Variants in SNX29 observed in about 807,000 individuals in gnomAD.
SNX29 encodes the protein sorting nexin 29, also known as sorting nexin-29.
In SNX29, 78 loss-of-function variants were observed where a neutral mutation model predicts 102.1. That is an observed-to-expected ratio of 0.76 (90% confidence interval 0.64 to 0.92). The LOEUF is 0.92. Ranked by LOEUF, SNX29 falls within the 40% of genes least tolerant of loss-of-function variation. SNX29 has a pLI of 0.00. For synonymous variants in SNX29, 580 were observed against 414.5 expected (o/e 1.40, Z -4.85); for missense variants, 1,280 against 1,061.7 (o/e 1.21, Z -2.86).
At chr16:12,130,547 A>T (rs1446357469) in intron 13 of SNX29, among the ~76,000 whole-genome samples, 1 of 151,548 alleles carries the variant, frequency 6.6e-6, no homozygotes, top group East Asian at 1.9e-4. Flanking sequence ...AACTTATTTC[A>T]TTGAGTAAAT....
At chr16:12,165,593 C>G (rs551672965) in intron 13 of SNX29, among the ~76,000 whole-genome samples, 97 of 152,312 alleles carry the variant, frequency 6.4e-4, no homozygotes, top group African/African-American at 2.2e-3. Flanking sequence ...CAGAGTCTTG[C>G]TCTGTCACCC....
chr16:12,027,574 A>C, intron 4 of SNX29, 130 bp downstream of exon 4: 1 of 1,083,168 alleles, frequency 9.2e-7, no homozygotes, highest in Non-Finnish European at 1.3e-6. Context: ...TGGGCACAGA[A>C]ATCCATGTCT....
At chr16:12,554,062 A>G (rs961969143) in intron 20 of SNX29, among the ~76,000 whole-genome samples, 5 of 152,176 alleles carry the variant, frequency 3.3e-5, no homozygotes, top group African/African-American at 1.2e-4. Context: ...CTGACCTCAA[A>G]TGATCCTCTC....
chr16:12,271,177 T>C (rs943096276), intron 14 of SNX29, among the ~76,000 whole-genome samples: 1 of 152,230 alleles, frequency 6.6e-6, no homozygotes, highest in Non-Finnish European at 1.5e-5. Flanking sequence ...TTTACAATCT[T>C]TGTGTGGGAT....
At chr16:12,493,826 A>C (rs752218183) in intron 19 of SNX29, among the ~76,000 whole-genome samples, 5 of 152,210 alleles carry the variant, frequency 3.3e-5, no homozygotes, top group Non-Finnish European at 7.3e-5. Context: ...TCCTGACCTC[A>C]GATGATCCAC....
At chr16:12,549,812 G>T (rs1172205503) in intron 20 of SNX29, among the ~76,000 whole-genome samples, 3 of 152,250 alleles carry the variant, frequency 2.0e-5, no homozygotes, top group Admixed American at 1.3e-4. Context: ...TGGCTTCTGT[G>T]CCCTGTGTGG....
At chr16:12,305,399 C>T (rs777165257) in intron 15 of SNX29, among the ~76,000 whole-genome samples, 7 of 152,188 alleles carry the variant, frequency 4.6e-5, no homozygotes, top group East Asian at 1.9e-4. Context: ...AAGGGCACAG[C>T]GCCGAGGGCG....
intron 11 of SNX29, among the ~76,000 whole-genome samples, chr16:12,105,764 G>A (rs1016015724): frequency 6.6e-6 from 1 of 152,158 alleles, no homozygotes; most frequent in Admixed American, 6.6e-5. Flanking sequence ...TGCGGTGTGT[G>A]GTCCTGCTGC....
At chr16:12,095,123 G>C (rs763373849) in intron 11 of SNX29, 3 of 152,140 alleles carry the variant, frequency 2.0e-5, no homozygotes, top group Non-Finnish European at 2.9e-5. Context: ...CGGAAGTACC[G>C]TCACTGCTGC....
chr16:12,102,540 T>C (rs988827717), intron 11 of SNX29, among the ~76,000 whole-genome samples: 1 of 152,240 alleles, frequency 6.6e-6, no homozygotes, highest in African/African-American at 2.4e-5. Context: ...TTTTTTCATA[T>C]GTTTGTTGGC....
At chr16:12,364,577 A>T (rs554743980) in intron 16 of SNX29, among the ~76,000 whole-genome samples, 3 of 152,296 alleles carry the variant, frequency 2.0e-5, no homozygotes, top group African/African-American at 7.2e-5. Context: ...GAGACAGGGA[A>T]ATAGAACCTT....
rs965157403 is a variant in SNX29, at chr16:12,129,612, G to C, written c.1467-18G>C. 11 of 1,600,764 alleles carry C rather than the reference G, an allele frequency of 6.9e-6. No individual in the cohort carries two copies. Among genetic ancestry groups the C allele is most frequent in the Non-Finnish European group, 9.4e-6 (11 of 1,172,906 alleles). On this transcript the variant is annotated intron_variant, in intron 12 of 20. Coordinates refer to ENST00000566228, the MANE Select transcript of SNX29 (RefSeq NM_032167.5). ...CTGGGTTGACAGCTTCTGAACAGATGGGTCCCTCTCTTCCCAGATCACTGC... is the reference window on the plus strand; with the variant it reads ...CTGGGTTGACAGCTTCTGAACAGATCGGTCCCTCTCTTCCCAGATCACTGC...
chr16:12,552,755 T>C (rs1184859741), intron 20 of SNX29, among the ~76,000 whole-genome samples: 2 of 152,168 alleles, frequency 1.3e-5, no homozygotes, highest in African/African-American at 4.8e-5. Flanking sequence ...TCACTTCTGA[T>C]TTAAGGTATG....
chr16:12,067,420 T>A (rs776771201), intron 9 of SNX29, among the ~76,000 whole-genome samples: 2 of 152,158 alleles, frequency 1.3e-5, no homozygotes, highest in African/African-American at 2.4e-5. Context: ...GCGTGCTCTC[T>A]CCAGCACCAT....
rs532640508 is a variant in SNX29 at position 12,172,665 on chromosome 16, A to AG, written c.1596-26935dup. Among the ~76,000 whole-genome samples, 11 of 152,356 alleles carry AG rather than the reference A, an allele frequency of 7.2e-5. No homozygotes were observed. In the East Asian group the frequency reaches 1.9e-3, roughly 27 times the overall value. On this transcript the variant is annotated intron_variant, in intron 13 of 20. Transcript: ENST00000566228. ...TGCCTGACAGATATTAAGGGCTCAA[A>AG]GAATTGTCATTGTCATTAACATGAT...
chr16:12,511,544 A>C (rs1024746403), intron 19 of SNX29, among the ~76,000 whole-genome samples: 4 of 152,124 alleles, frequency 2.6e-5, no homozygotes, highest in Admixed American at 2.6e-4. Flanking sequence ...CTCCGTGTGG[A>C]GCCCTTGTTC....
At chr16:12,397,266 C>G (rs909778832) in intron 16 of SNX29, among the ~76,000 whole-genome samples, 1 of 152,232 alleles carries the variant, frequency 6.6e-6, no homozygotes, top group East Asian at 1.9e-4. Flanking sequence ...TTGAAGCCTT[C>G]AAGACTACTT....
intron 20 of SNX29, among the ~76,000 whole-genome samples, chr16:12,565,112 C>T (rs2141529554): frequency 6.7e-6 from 1 of 149,484 alleles, no homozygotes. Context: ...GAGTACTGGC[C>T]CTAGTCTCTT....
chr16:12,544,343 T>TA (rs989973390), intron 20 of SNX29, among the ~76,000 whole-genome samples: 59 of 152,282 alleles, frequency 3.9e-4, no homozygotes, highest in African/African-American at 1.3e-3. Flanking sequence ...GAAAAGTCAG[T>TA]ACTGTTGGAA....
Sources: allele counts gnomAD v4.1 joint callset (sites outside exome capture counted in the v4.1 genomes callset), GRCh38; gene constraint gnomAD v4.1.1; transcripts MANE v1.5; gene names NCBI Gene and HGNC (gene_info 2026-07-23, HGNC 2026-07-21).